Variants in EXOC6B observed in about 807,000 individuals in gnomAD.
The protein encoded by EXOC6B is SEC15 homolog B.
Under a neutral mutation model 113.5 loss-of-function variants are expected in EXOC6B, and 54 were observed. The ratio of observed to expected loss-of-function variants is 0.48; its 90% CI spans 0.38 to 0.60. The LOEUF (loss-of-function observed/expected upper bound fraction) is 0.60. EXOC6B is among the 20% of genes least tolerant of loss of function. The pLI is 0.00. For synonymous variants in EXOC6B, 357 were observed against 339.0 expected, an observed-to-expected ratio of 1.05 and a Z score of -0.58; for missense variants, 797 against 977.5, an observed-to-expected ratio of 0.82 and a Z score of 2.46.
intron 1 of EXOC6B, among the ~76,000 whole-genome samples, chr2:72,760,361 G>A (rs1002902915): frequency 2.6e-5 from 4 of 152,160 alleles, no homozygotes; most frequent in African/African-American, 7.2e-5. Context: ...CAGACTTAGA[G>A]GAAGACTTCA....
At chr2:72,247,590 A>G (rs1682748021) in intron 20 of EXOC6B, among the ~76,000 whole-genome samples, 1 of 152,220 alleles carries the variant, frequency 6.6e-6, no homozygotes, top group Admixed American at 6.5e-5. Flanking sequence ...CCCAGATGTC[A>G]AAAGTCCTCC....
chr2:72,230,037 G>C (rs1218745383), intron 20 of EXOC6B, among the ~76,000 whole-genome samples: 1 of 152,020 alleles, frequency 6.6e-6, no homozygotes, highest in Non-Finnish European at 1.5e-5. Flanking sequence ...AGTAAGGAGG[G>C]GGAGGAATGG....
intron 1 of EXOC6B, among the ~76,000 whole-genome samples, chr2:72,808,449 T>G (rs1685700025): frequency 6.6e-6 from 1 of 151,974 alleles, no homozygotes; most frequent in Non-Finnish European, 1.5e-5. Context: ...CAAACTATAC[T>G]AAAAAGTACA....
At chr2:72,680,477 C>T (rs1415226082) in intron 6 of EXOC6B, among the ~76,000 whole-genome samples, 7 of 152,144 alleles carry the variant, frequency 4.6e-5, no homozygotes, top group Non-Finnish European at 7.3e-5. Flanking sequence ...CAGTGGCTCA[C>T]GCCTGTAATC....
intron 18 of EXOC6B, among the ~76,000 whole-genome samples, chr2:72,433,545 AT>A (rs1475267629): frequency 6.6e-6 from 1 of 152,126 alleles, no homozygotes; most frequent in African/African-American, 2.4e-5. Flanking sequence ...TAAGCATGGA[AT>A]GTGTTTCCAT....
chr2:72,684,217 G>A (rs918116200), intron 6 of EXOC6B, among the ~76,000 whole-genome samples: 2 of 152,106 alleles, frequency 1.3e-5, no homozygotes, highest in African/African-American at 2.4e-5. Context: ...ATGAGCCACC[G>A]TGCCAGACTG....
intron 1 of EXOC6B, among the ~76,000 whole-genome samples, chr2:72,809,295 A>C (rs79827264): frequency 1.1e-4 from 17 of 152,334 alleles, no homozygotes; most frequent in African/African-American, 4.1e-4. Flanking sequence ...AACAAAGTGG[A>C]TTTTATAAAA....
chr2:72,410,870 A>G (rs891013676), intron 18 of EXOC6B, among the ~76,000 whole-genome samples: 11 of 152,236 alleles, frequency 7.2e-5, no homozygotes, highest in African/African-American at 2.7e-4. Context: ...CTAGTAGTCA[A>G]GGAATTTTAG....
At chr2:72,403,456 G>A (rs1558633502) in intron 18 of EXOC6B, among the ~76,000 whole-genome samples, 1 of 152,162 alleles carries the variant, frequency 6.6e-6, no homozygotes, top group South Asian at 2.1e-4. Context: ...GCAGGCCAAG[G>A]TGGTAGGATT....
intron 20 of EXOC6B, among the ~76,000 whole-genome samples, chr2:72,291,386 T>A (rs1685779666): frequency 6.6e-6 from 1 of 152,192 alleles, no homozygotes; most frequent in South Asian, 2.1e-4. Flanking sequence ...ATATAAGGGA[T>A]CTTTACATTC....
intron 6 of EXOC6B, among the ~76,000 whole-genome samples, chr2:72,653,100 T>C (rs1313195977): frequency 6.6e-6 from 1 of 151,994 alleles, no homozygotes; most frequent in East Asian, 1.9e-4. Context: ...TAAAGACACA[T>C]GCACATGTAT....
rs757643325 is a variant in EXOC6B at position 72,575,685 on chromosome 2, C to T, written c.670-17G>A. On this transcript the variant is annotated splice_polypyrimidine_tract_variant and intron_variant, in intron 6 of 21. Coordinates refer to ENST00000272427, the MANE Select transcript of EXOC6B (RefSeq NM_015189.3). ...CTGCTGGGCCTAGGATAGAGAAGAA[C>T]ACACACAAACACACCAAAAAGGTGG... 1.3e-5 allele frequency: 20 copies of T among 1,520,536 alleles called. No homozygotes were observed. Among genetic ancestry groups the T allele is most frequent in the Non-Finnish European group, 1.8e-5 (20 of 1,138,712 alleles). The allele number at this position is 1,520,536 out of a possible 1,614,324, so 94.2% of individuals were successfully genotyped here.
At chr2:72,781,783 C>T (rs900647352) in intron 1 of EXOC6B, among the ~76,000 whole-genome samples, 2 of 151,910 alleles carry the variant, frequency 1.3e-5, no homozygotes, top group African/African-American at 4.8e-5. Flanking sequence ...ATCACATGGC[C>T]ACAACTAACT....
At chr2:72,538,029 C>T (rs1702397932) in intron 8 of EXOC6B, among the ~76,000 whole-genome samples, 1 of 151,004 alleles carries the variant, frequency 6.6e-6, no homozygotes, top group South Asian at 2.1e-4. Context: ...TCATAGCTCA[C>T]CATTAGTTAC....
intron 18 of EXOC6B, among the ~76,000 whole-genome samples, chr2:72,386,595 G>T (rs1558616184): frequency 6.6e-6 from 1 of 152,190 alleles, no homozygotes; most frequent in Non-Finnish European, 1.5e-5. Flanking sequence ...GCTCAAAGGT[G>T]CATAGGTACA....
At chr2:72,715,506 A>G (rs1679556643) in intron 6 of EXOC6B, among the ~76,000 whole-genome samples, 1 of 150,212 alleles carries the variant, frequency 6.7e-6, no homozygotes, top group Admixed American at 6.6e-5. Context: ...TATGAAAACA[A>G]GGAAAAGCCA....
chr2:72,231,495 G>T (rs1320283411), intron 20 of EXOC6B, among the ~76,000 whole-genome samples: 2 of 151,894 alleles, frequency 1.3e-5, no homozygotes, highest in Non-Finnish European at 2.9e-5. Flanking sequence ...AAATCACAAA[G>T]GGAAGTTATA....
At chr2:72,766,665 A>T (rs1683076388) in intron 1 of EXOC6B, among the ~76,000 whole-genome samples, 1 of 152,100 alleles carries the variant, frequency 6.6e-6, no homozygotes, top group Admixed American at 6.6e-5. Flanking sequence ...GAAAAAATCC[A>T]CATTGAGGTT....
At position 72,500,023 on chromosome 2, in the gene EXOC6B, C is replaced by T. The variant is rs546154773; in HGVS notation, c.1168-51G>A. ...GAAAAACATGTTATTAGTAAAAATG[C>T]AATTAAATTTTTATTTATTTAATTG... On this transcript the variant is annotated intron_variant, in intron 11 of 21. Coordinates refer to ENST00000272427, the MANE Select transcript of EXOC6B (RefSeq NM_015189.3). 16 of 1,203,276 alleles carry T rather than the reference C, an allele frequency of 1.3e-5. No homozygotes were observed. The South Asian group carries it at 2.0e-4, about 15-fold the overall frequency. The allele number at this position is 1,203,276 out of a possible 1,614,324, so 74.5% of individuals were successfully genotyped here.
Sources: gnomAD v4.1 joint callset for allele counts (sites outside exome capture counted in the v4.1 genomes callset) on GRCh38, gnomAD v4.1.1 for gene constraint, MANE v1.5 for transcripts, NCBI Gene and HGNC (gene_info 2026-07-23, HGNC 2026-07-21) for gene names.